FAM193A: variants seen among roughly 807,000 people sequenced by gnomAD.
The protein encoded by FAM193A is family with sequence similarity 193 member A, also known as protein FAM193A.
Under a neutral mutation model 126.5 loss-of-function variants are expected in FAM193A, and 22 were observed. The observed-to-expected ratio is 0.17, with a 90% CI of 0.12 to 0.25. FAM193A has a LOEUF of 0.25. Ranked by LOEUF, FAM193A falls within the 10% of genes least tolerant of loss-of-function variation. The pLI, the probability that FAM193A is intolerant of heterozygous loss-of-function variation, is 1.00. For synonymous variants in FAM193A, 761 were observed against 646.8 expected (o/e 1.18, Z -2.68); for missense variants, 1,675 against 1,672.8 (o/e 1.00, Z -0.02).
chr4:2,630,168 T>G (rs2213316), intron 4 of FAM193A, among the ~76,000 whole-genome samples: 40,625 of 151,374 alleles, frequency 0.27, 5,899 homozygotes, highest in Middle Eastern at 0.38. Flanking sequence ...CATACACATT[T>G]GTGTCAAAAA....
At chr4:2,634,211 A>T (rs1560503123) in intron 5 of FAM193A, among the ~76,000 whole-genome samples, 1 of 152,158 alleles carries the variant, frequency 6.6e-6, no homozygotes, top group Non-Finnish European at 1.5e-5. Context: ...AGCTTCCCAG[A>T]GACTTGGTAG....
intron 1 of FAM193A, among the ~76,000 whole-genome samples, chr4:2,564,601 A>G (rs1292936825): frequency 6.6e-6 from 1 of 152,180 alleles, no homozygotes; most frequent in Non-Finnish European, 1.5e-5. Flanking sequence ...TATTTTTCCA[A>G]TAGGGGGTGG....
intron 2 of FAM193A, among the ~76,000 whole-genome samples, chr4:2,603,914 C>T (rs908562987): frequency 3.9e-5 from 6 of 152,268 alleles, no homozygotes; most frequent in Middle Eastern, 3.4e-3. Flanking sequence ...ACGATCTTGG[C>T]TCACTGCAAC....
At chr4:2,539,192 C>T (rs1737072762) in intron 1 of FAM193A, among the ~76,000 whole-genome samples, 1 of 152,066 alleles carries the variant, frequency 6.6e-6, no homozygotes, top group Non-Finnish European at 1.5e-5. Context: ...GTGCCCAGCC[C>T]TGCCTTTATT....
intron 5 of FAM193A, among the ~76,000 whole-genome samples, chr4:2,634,020 C>T (rs1391960799): frequency 6.6e-6 from 1 of 152,178 alleles, no homozygotes; most frequent in Non-Finnish European, 1.5e-5. Context: ...TCAGCATTTG[C>T]TGTGGGTATT....
chr4:2,645,357 C>T (rs1057285071), intron 6 of FAM193A, among the ~76,000 whole-genome samples: 4 of 152,116 alleles, frequency 2.6e-5, no homozygotes, highest in Non-Finnish European at 4.4e-5. Context: ...CACACCACTC[C>T]CCGTCCTCCT....
In FAM193A at chr4:2,562,424, TG is replaced by T. The variant is rs1738673468; in HGVS notation, c.255+25256del. Among the ~76,000 whole-genome samples the T allele has an allele frequency of 2.0e-5, 3 of 152,172 alleles. No homozygotes were observed. In the South Asian group the frequency reaches 6.2e-4, roughly 32 times the overall value. On this transcript the variant is annotated intron_variant, in intron 1 of 20. Transcript: ENST00000637812. ...CTGATGGCACCACTGCACTACAGCA[TG>T]GTGGCAAAGCGAGACCCTGCCTTTA... is the stretch of plus-strand genomic sequence containing the variant.
intron 19 of FAM193A, among the ~76,000 whole-genome samples, chr4:2,712,504 C>T (rs1407987201): frequency 6.6e-6 from 1 of 152,136 alleles, no homozygotes; most frequent in East Asian, 1.9e-4. Flanking sequence ...GACTGCTGCC[C>T]CTGCTCTCCT....
intron 10 of FAM193A, among the ~76,000 whole-genome samples, chr4:2,660,941 G>A (rs1712364730): frequency 1.3e-5 from 2 of 152,214 alleles, no homozygotes; most frequent in African/African-American, 2.4e-5. Flanking sequence ...GAGACACTGT[G>A]TACTCTCCAG....
chr4:2,627,607 T>C (rs1471438999), intron 4 of FAM193A, among the ~76,000 whole-genome samples: 1 of 135,636 alleles, frequency 7.4e-6, no homozygotes, highest in Non-Finnish European at 1.5e-5. Context: ...AGATGGAGTC[T>C]CACTCTGTCG....
chr4:2,674,769 G>A (rs368938733), intron 13 of FAM193A, among the ~76,000 whole-genome samples: 2 of 151,296 alleles, frequency 1.3e-5, no homozygotes, highest in African/African-American at 2.4e-5. Context: ...GGAGGCTGAC[G>A]TGAGAGGATT....
Position 2,640,611 on chromosome 4 carries a change from T to C in FAM193A, c.1163+752T>C, listed in dbSNP as rs149991418. 1.8e-3 allele frequency among the ~76,000 whole-genome samples: 277 copies of C among 152,318 alleles called. 1 individual carries two copies. Among genetic ancestry groups the C allele is most frequent in the Non-Finnish European group, 2.4e-3 (166 of 68,024 alleles). ...TTGGTGTTTTATTCTATTTACCACA[T>C]GTGAGCACATTCCCATAATACAGAC... On this transcript the variant is annotated intron_variant, in intron 6 of 20. Transcript: ENST00000637812.
intron 13 of FAM193A, among the ~76,000 whole-genome samples, chr4:2,683,980 C>T (rs147300798): frequency 1.3e-5 from 2 of 152,302 alleles, no homozygotes; most frequent in African/African-American, 2.4e-5. Context: ...TGATAGTCTT[C>T]GTTTCTCTTA....
chr4:2,725,109 G>T lies in FAM193A; in HGVS notation c.4455-6666G>T, dbSNP rs530720320. Among the ~76,000 whole-genome samples the T allele has an allele frequency of 1.1e-4, 17 of 152,112 alleles. No homozygotes were observed. In the South Asian group the frequency reaches 3.5e-3, roughly 32 times the overall value. On this transcript the variant is annotated intron_variant, in intron 20 of 20. Transcript: ENST00000637812. ...GGCCAGGCTGGCCTCTAACTCCTGA[G>T]CTCAGGTAATCCACCTACCTCCGCC...
chr4:2,658,752 G>T (rs1309976647), intron 8 of FAM193A, among the ~76,000 whole-genome samples: 2 of 132,914 alleles, frequency 1.5e-5, no homozygotes, highest in African/African-American at 6.7e-5. Context: ...CTGTGCTTTT[G>T]TTGTTGTTGT....
intron 1 of FAM193A, among the ~76,000 whole-genome samples, chr4:2,545,660 T>G (rs534666586): frequency 1.2e-4 from 18 of 152,244 alleles, no homozygotes; most frequent in South Asian, 1.0e-3. Flanking sequence ...TTTTAGAAAT[T>G]AACATGTAGC....
At chr4:2,594,029 G>C (rs1324553606) in intron 1 of FAM193A, among the ~76,000 whole-genome samples, 1 of 152,162 alleles carries the variant, frequency 6.6e-6, no homozygotes, top group Admixed American at 6.5e-5. Context: ...CAAACATTCA[G>C]CTCAGGATGG....
At chr4:2,652,533 C>T (rs1745771718) in intron 7 of FAM193A, among the ~76,000 whole-genome samples, 1 of 152,274 alleles carries the variant, frequency 6.6e-6, no homozygotes, top group East Asian at 1.9e-4. Flanking sequence ...AAGGGGAAGC[C>T]AGCACATCTT....
intron 19 of FAM193A, among the ~76,000 whole-genome samples, chr4:2,705,280 T>C (rs1718181460): frequency 1.3e-5 from 2 of 152,234 alleles, no homozygotes; most frequent in African/African-American, 2.4e-5. Context: ...TCTCTCCCAG[T>C]TCATAAGTTG....
Sources: allele counts gnomAD v4.1 joint callset (sites outside exome capture counted in the v4.1 genomes callset), GRCh38; gene constraint gnomAD v4.1.1; transcripts MANE v1.5; gene names NCBI Gene and HGNC (gene_info 2026-07-23, HGNC 2026-07-21).